Variants in KLK4 observed in about 807,000 individuals in gnomAD.
KLK4 encodes the protein kallikrein related peptidase 4, also known as kallikrein-4.
KLK4 carries 24 observed loss-of-function variants against 24.3 expected under a neutral mutation model. That is an observed-to-expected ratio of 0.99 (90% CI 0.72 to 1.39). KLK4 has a LOEUF of 1.39. Among genes scored for constraint, KLK4 ranks in the 40% most tolerant of loss-of-function variants. The pLI is 0.00. For synonymous variants in KLK4, 142 were observed against 138.8 expected, an observed-to-expected ratio of 1.02 and a Z score of -0.16; for missense variants, 344 against 327.4, an observed-to-expected ratio of 1.05 and a Z score of -0.39.
At chr19:50,908,267 C>T in intron 5 of KLK4, 92 bp downstream of exon 5, 1 of 1,464,390 alleles carries the variant, frequency 6.8e-7, no homozygotes, top group East Asian at 2.3e-5. Flanking sequence ...GTCTCTCCAT[C>T]TCTGCATCTC....
Position 50,910,684 on chromosome 19 carries a change from C to T in KLK4, c.55G>A (p.Val19Ile), listed in dbSNP as rs766119347. Residue 19 changes from valine to isoleucine, a missense_variant, in exon 2 of 6, where the codon GTC (valine) becomes ATC (isoleucine). By Grantham distance (29) the Val-to-Ile change is conservative. Transcript: ENST00000324041. The surrounding 1 kb of genome is among the most constrained non-coding windows in gnomAD (Gnocchi z 4.4). ...CACACGCATACTCAGATACCTGCGA[C>T]ACCAAGGATGAGGTACCCCAGGAAC... 7 of 1,555,184 alleles carry T rather than the reference C, an allele frequency of 4.5e-6. No individual in the cohort carries two copies. In the African/African-American group the frequency reaches 9.5e-5, roughly 21 times the overall value.
chr19:50,907,350 T>C (rs540184053), intron 5 of KLK4, among the ~76,000 whole-genome samples: 1 of 152,146 alleles, frequency 6.6e-6, no homozygotes, highest in South Asian at 2.1e-4. Context: ...CTCTCCTTTG[T>C]CTCCTTTGTG....
chr19:50,910,876 AC>A lies in KLK4; in HGVS notation c.-11-128del. The A allele has an allele frequency of 1.3e-6, 1 of 772,052 alleles. No individual in the cohort carries two copies. The highest frequency in any genetic ancestry group is 1.5e-5 in the South Asian group (1 of 67,580). 47.8% of individuals were successfully genotyped at this position (772,052 alleles called of 1,614,324 possible). A position where few individuals can be genotyped will look rare whatever the true frequency, so the allele number is the denominator to read the frequency against. On this transcript the variant is annotated intron_variant, in intron 1 of 5. Transcript: ENST00000324041. This position sits in a 1 kb window ranked among gnomAD's most constrained non-coding sequence, Gnocchi z 4.4. Reference sequence around the variant, plus strand: ...AGGTAGGCAAGAGCCTAGACCATCTACCCCCTCTCCCATCCATGGACCCAGA... The same window carrying A: ...AGGTAGGCAAGAGCCTAGACCATCTACCCCTCTCCCATCCATGGACCCAGA...
chr19:50,907,077 C>A, exon 6 of KLK4: 1 of 1,614,108 alleles, frequency 6.2e-7, no homozygotes, highest in Non-Finnish European at 8.5e-7. Context: ...AGGGGCCCCC[C>A]AGAGTCACCC....
At chr19:50,911,341 G>A (rs917656270) in exon 1 of KLK4, among the ~76,000 whole-genome samples, 5 of 152,204 alleles carry the variant, frequency 3.3e-5, no homozygotes, top group African/African-American at 4.8e-5. Context: ...CCTCTTACCC[G>A]GCCACCTCTG....
chr19:50,909,384 A>T (rs1568515052), exon 3 of KLK4: 1 of 1,614,070 alleles, frequency 6.2e-7, no homozygotes, highest in East Asian at 2.2e-5. Context: ...GCCGTTTATG[A>T]TTTGGCTGCA....
exon 6 of KLK4, chr19:50,906,949 G>T (rs200879217): frequency 6.2e-7 from 1 of 1,614,172 alleles, no homozygotes; most frequent in African/African-American, 1.3e-5. Flanking sequence ...TGGCCTGGAC[G>T]GTTTTCTCTA....
At position 50,910,768 on chromosome 19, in the gene KLK4, A is replaced by G. The variant is rs940468888; in HGVS notation, c.-11-19T>C. ...TCAGCACCTGGGGATGAGGACTGAGACTTAGCCGTGTCTGGGGATCTTCAG... is the reference window on the plus strand; with the variant it reads ...TCAGCACCTGGGGATGAGGACTGAGGCTTAGCCGTGTCTGGGGATCTTCAG... On this transcript the variant is annotated intron_variant, in intron 1 of 5. Coordinates refer to ENST00000324041, the Ensembl canonical transcript of KLK4. This position sits in a 1 kb window ranked among gnomAD's most constrained non-coding sequence, Gnocchi z 4.4. 3 of 1,546,164 alleles carry G rather than the reference A, an allele frequency of 1.9e-6. No individual in the cohort carries two copies. Among genetic ancestry groups the G allele is most frequent in the African/African-American group, 2.7e-5 (2 of 72,914 alleles).
intron 5 of KLK4, chr19:50,907,998 G>A (rs979108989): frequency 1.3e-5 from 5 of 384,460 alleles, no homozygotes; most frequent in African/African-American, 8.2e-5. Flanking sequence ...TTATGTTATT[G>A]GTAAGGCTCC....
At position 50,910,879 on chromosome 19, in the gene KLK4, C is replaced by T. The variant is rs1185398608; in HGVS notation, c.-11-130G>A. Reference sequence around the variant, plus strand: ...TAGGCAAGAGCCTAGACCATCTACCCCCTCTCCCATCCATGGACCCAGAAC... The same window carrying T: ...TAGGCAAGAGCCTAGACCATCTACCTCCTCTCCCATCCATGGACCCAGAAC... On this transcript the variant is annotated intron_variant, in intron 1 of 5. Transcript: ENST00000324041. The surrounding 1 kb of genome is among the most constrained non-coding windows in gnomAD (Gnocchi z 4.4). 1.3e-6 allele frequency: 1 copy of T among 761,322 alleles called. No homozygotes were observed. The highest frequency in any genetic ancestry group is 1.5e-5 in the South Asian group (1 of 67,410). 47.2% of individuals were successfully genotyped at this position (761,322 alleles called of 1,614,324 possible).
intron 4 of KLK4, 38 bp downstream of exon 4, chr19:50,908,541 C>A: frequency 4.3e-6 from 7 of 1,614,198 alleles, no homozygotes; most frequent in African/African-American, 2.7e-5. Flanking sequence ...GGGCAGAGGA[C>A]CTCCTTGAAG....
chr19:50,906,984 T>C, exon 6 of KLK4: 1 of 1,614,170 alleles, frequency 6.2e-7, no homozygotes, highest in Non-Finnish European at 8.5e-7. Context: ...TTGCAGAGGT[T>C]GGTGTAGACA....
rs928251114 is a variant in KLK4 at position 50,908,853 on chromosome 19, A to G, written c.225-24T>C. 2.4e-5 allele frequency: 38 copies of G among 1,607,970 alleles called. 1 individual carries two copies. The highest frequency in any genetic ancestry group is 3.3e-4 in the Middle Eastern group (2 of 6,082). On this transcript the variant is annotated intron_variant, in intron 3 of 5. Transcript: ENST00000324041. ...AGCTGTGGGCCACGGAGGGCAGGTCAGTTTTGTGGCAACTACATCCTTACC... is the reference window on the plus strand; with the variant it reads ...AGCTGTGGGCCACGGAGGGCAGGTCGGTTTTGTGGCAACTACATCCTTACC...
rs145306141 is a variant in KLK4 at position 50,908,148 on chromosome 19, C to T, written c.612+211G>A. 3.7e-5 allele frequency: 24 copies of T among 643,082 alleles called. No individual in the cohort carries two copies. In the East Asian group the frequency reaches 6.8e-4, roughly 18 times the overall value. The allele number at this position is 643,082 out of a possible 1,614,324, so 39.8% of individuals were successfully genotyped here. ...GCATTTCTATGTGTGTGTGTTTCTG[C>T]CTCCCCATGTCTGTTTCTGTTTCTC... is the stretch of plus-strand genomic sequence containing the variant. On this transcript the variant is annotated intron_variant, in intron 5 of 5. Transcript: ENST00000324041.
chr19:50,911,342 G>A (rs1458945529), exon 1 of KLK4, among the ~76,000 whole-genome samples: 2 of 152,188 alleles, frequency 1.3e-5, no homozygotes, highest in East Asian at 3.9e-4. Context: ...CTCTTACCCG[G>A]CCACCTCTGG....
At position 50,910,870 on chromosome 19, in the gene KLK4, C is replaced by T. The variant is rs2090482644; in HGVS notation, c.-11-121G>A. 4 of 790,578 alleles carry T rather than the reference C, an allele frequency of 5.1e-6. No individual in the cohort carries two copies. The highest frequency in any genetic ancestry group is 8.7e-6 in the Non-Finnish European group (4 of 461,938). 49.0% of individuals were successfully genotyped at this position (790,578 alleles called of 1,614,324 possible). ...GTTATTAGGTAGGCAAGAGCCTAGACCATCTACCCCCTCTCCCATCCATGG... is the reference window on the plus strand; with the variant it reads ...GTTATTAGGTAGGCAAGAGCCTAGATCATCTACCCCCTCTCCCATCCATGG... On this transcript the variant is annotated intron_variant, in intron 1 of 5. Coordinates refer to ENST00000324041, the Ensembl canonical transcript of KLK4. This position sits in a 1 kb window ranked among gnomAD's most constrained non-coding sequence, Gnocchi z 4.4.
Position 50,910,333 on chromosome 19 carries a change from G to A in KLK4, c.61+345C>T, listed in dbSNP as rs1445201328. ...TCAGGACTGAAGACCCAGGAAGCAG[G>A]CACAGATTCCCAGCAATGGATCACG... On this transcript the variant is annotated intron_variant, in intron 2 of 5. Transcript: ENST00000324041. The surrounding 1 kb of genome is among the most constrained non-coding windows in gnomAD (Gnocchi z 4.4). Among the ~76,000 whole-genome samples the A allele has an allele frequency of 1.3e-5, 2 of 152,068 alleles. No homozygotes were observed. Among genetic ancestry groups the A allele is most frequent in the East Asian group, 3.9e-4 (2 of 5,176 alleles).
chr19:50,906,754 G>A, exon 6 of KLK4: 1 of 559,760 alleles, frequency 1.8e-6, no homozygotes, highest in Non-Finnish European at 3.1e-6. Flanking sequence ...GGGCTGGGGG[G>A]TCTGGACTCC....
At position 50,910,621 on chromosome 19, in the gene KLK4, A is replaced by G; in HGVS notation, c.61+57T>C. ...AGAGGACACTGAGTCACACCTGAAC[A>G]TTAACAAACACTGTGCCCCCAAGCA... On this transcript the variant is annotated intron_variant, in intron 2 of 5. Transcript: ENST00000324041. The surrounding 1 kb of genome is among the most constrained non-coding windows in gnomAD (Gnocchi z 4.4). 6.7e-7 allele frequency: 1 copy of G among 1,485,100 alleles called. No homozygotes were observed. Among genetic ancestry groups the G allele is most frequent in the Non-Finnish European group, 9.2e-7 (1 of 1,086,370 alleles). The allele number at this position is 1,485,100 out of a possible 1,614,324, so 92.0% of individuals were successfully genotyped here.
Sources: allele counts gnomAD v4.1 joint callset (sites outside exome capture counted in the v4.1 genomes callset), GRCh38; gene constraint gnomAD v4.1.1; non-coding constraint Gnocchi (gnomAD v3.1); transcripts MANE v1.5; gene names NCBI Gene and HGNC (gene_info 2026-07-23, HGNC 2026-07-21).